TBC1D22B: variants seen among roughly 807,000 people sequenced by gnomAD.
TBC1D22B encodes the protein TBC1 domain family member 22B.
A neutral mutation model predicts 69.1 loss-of-function variants in TBC1D22B; 32 were observed. The ratio of observed to expected loss-of-function variants is 0.46; its 90% CI spans 0.35 to 0.62. The LOEUF (loss-of-function observed/expected upper bound fraction) is 0.62, where lower values mean the gene tolerates loss of function less well. TBC1D22B is among the 20% of genes least tolerant of loss of function. TBC1D22B has a pLI of 0.00. For missense variants in TBC1D22B, 462 were observed against 630.9 expected (o/e 0.73, Z 2.87); for synonymous variants, 206 against 229.8 (o/e 0.90, Z 0.94).
intron 2 of TBC1D22B, among the ~76,000 whole-genome samples, chr6:37,276,610 T>A (rs1766679594): frequency 6.6e-6 from 1 of 152,228 alleles, no homozygotes; most frequent in Non-Finnish European, 1.5e-5. Flanking sequence ...TTCAAATATA[T>A]ATTGAATCAT....
intron 10 of TBC1D22B, among the ~76,000 whole-genome samples, chr6:37,315,403 A>G (rs756569080): frequency 6.6e-5 from 10 of 151,980 alleles, no homozygotes; most frequent in Non-Finnish European, 1.2e-4. Flanking sequence ...CAAAAAATTT[A>G]AGAAGTAGCT....
rs1042976686 is a variant in TBC1D22B at position 37,261,520 on chromosome 6, T to C, written c.56+3547T>C. Among the ~76,000 whole-genome samples, 7 of 151,952 alleles carry C rather than the reference T, an allele frequency of 4.6e-5. No individual in the cohort carries two copies. The South Asian group carries it at 8.3e-4, about 18-fold the overall frequency. On this transcript the variant is annotated intron_variant, in intron 1 of 12. Coordinates refer to ENST00000373491, the MANE Select transcript of TBC1D22B (RefSeq NM_017772.4). ...TCTGCTTTCTAGCTATGTGATCTTA[T>C]GGGATTTAATTAACCTCTCAATGCA...
At chr6:37,311,194 T>G (rs1485755008) in intron 8 of TBC1D22B, among the ~76,000 whole-genome samples, 5 of 152,126 alleles carry the variant, frequency 3.3e-5, no homozygotes, top group African/African-American at 1.2e-4. Flanking sequence ...TTTTTTTTTT[T>G]TTAGGTCATT....
Position 37,317,167 on chromosome 6 carries a change from C to A in TBC1D22B, c.1350C>A (p.Ile450=). Residue 450 remains isoleucine, a synonymous_variant, in exon 12 of 13, where the codon ATC becomes ATA. Coordinates refer to ENST00000373491, the MANE Select transcript of TBC1D22B (RefSeq NM_017772.4). ...FHLYVCAAFL[I]KWRKEILDEE... ...TCTACGTGTGTGCAGCCTTCTTGAT[C>A]AAGTGGAGGAAAGAGATCTTGGATG... The A allele has an allele frequency of 6.3e-7, 1 of 1,578,742 alleles. No individual in the cohort carries two copies. Among genetic ancestry groups the A allele is most frequent in the South Asian group, 1.2e-5 (1 of 86,238 alleles).
chr6:37,261,944 A>AGTGTGT (rs70977641), intron 1 of TBC1D22B, among the ~76,000 whole-genome samples: 109 of 118,816 alleles, frequency 9.2e-4, no homozygotes, highest in Non-Finnish European at 1.4e-3. Flanking sequence ...AGCTTTGGTC[A>AGTGTGT]GTGTGTGTGT....
chr6:37,269,740 AT>A (rs2113720934), intron 2 of TBC1D22B, 90 bp downstream of exon 2: 1 of 1,262,594 alleles, frequency 7.9e-7, no homozygotes, highest in Non-Finnish European at 1.2e-6. Flanking sequence ...CCACCTTGAC[AT>A]TTTTTAGCGT....
At position 37,279,019 on chromosome 6, in the gene TBC1D22B, C is replaced by T. The variant is rs1437350707; in HGVS notation, c.114-285C>T. On this transcript the variant is annotated intron_variant, in intron 2 of 12. Transcript: ENST00000373491. ...GCCTCATTTCTCCTCAGTCCATTGG[C>T]CGGTATTGGTCATATGGCCTCACCT... Among the ~76,000 whole-genome samples the T allele has an allele frequency of 2.0e-5, 3 of 152,186 alleles. No homozygotes were observed. In the East Asian group the frequency reaches 5.8e-4, roughly 29 times the overall value.
intron 1 of TBC1D22B, among the ~76,000 whole-genome samples, chr6:37,266,573 C>T (rs1194811547): frequency 2.6e-5 from 4 of 151,698 alleles, no homozygotes; most frequent in Admixed American, 6.6e-5. Context: ...GCCATTCTCC[C>T]GCCTCAGCCT....
chr6:37,275,127 A>G (rs1001325754), intron 2 of TBC1D22B, among the ~76,000 whole-genome samples: 1 of 152,158 alleles, frequency 6.6e-6, no homozygotes, highest in Admixed American at 6.5e-5. Context: ...GTTAAGTGTA[A>G]ACTACCTGGG....
At chr6:37,284,757 G>A (rs1345893608) in intron 6 of TBC1D22B, among the ~76,000 whole-genome samples, 1 of 152,226 alleles carries the variant, frequency 6.6e-6, no homozygotes, top group African/African-American at 2.4e-5. Flanking sequence ...ATGAGAAAAT[G>A]CAGATTCTGA....
At chr6:37,281,577 A>G (rs1562047105) in intron 3 of TBC1D22B, among the ~76,000 whole-genome samples, 1 of 152,208 alleles carries the variant, frequency 6.6e-6, no homozygotes, top group East Asian at 1.9e-4. Flanking sequence ...CTGGTGGGCC[A>G]AGAACCGGGT....
chr6:37,313,078 C>T, intron 9 of TBC1D22B, 54 bp downstream of exon 9: 1 of 1,413,768 alleles, frequency 7.1e-7, no homozygotes, highest in South Asian at 1.2e-5. Flanking sequence ...AGGCTCCCAG[C>T]AGGGCTTTGG....
intron 12 of TBC1D22B, among the ~76,000 whole-genome samples, chr6:37,322,164 A>G (rs1768270710): frequency 1.3e-5 from 2 of 152,320 alleles, no homozygotes; most frequent in Admixed American, 6.5e-5. Context: ...AGAGGACTGT[A>G]TCTGCCCAGA....
chr6:37,330,193 TATAG>T (rs2113797299), intron 12 of TBC1D22B, among the ~76,000 whole-genome samples: 1 of 151,642 alleles, frequency 6.6e-6, no homozygotes, highest in Admixed American at 6.6e-5. Context: ...TTTTATCTTC[TATAG>T]ATGTTATAAA....
At position 37,331,197 on chromosome 6, in the gene TBC1D22B, A is replaced by G; in HGVS notation, c.*25A>G. On this transcript the variant is annotated 3_prime_UTR_variant, in exon 13 of 13. Transcript: ENST00000373491. ...GGTGCTGTCTCCTCCGGGGACCCAGACTGCCTTCATCTCTGATGGCAGTCT... is the reference window on the plus strand; with the variant it reads ...GGTGCTGTCTCCTCCGGGGACCCAGGCTGCCTTCATCTCTGATGGCAGTCT... The G allele has an allele frequency of 6.2e-7, 1 of 1,612,958 alleles. No individual in the cohort carries two copies. The highest frequency in any genetic ancestry group is 1.7e-4 in the Middle Eastern group (1 of 6,024).
rs1271740499 is a variant in TBC1D22B, at chr6:37,330,064, G to C, written c.1390-980G>C. On this transcript the variant is annotated intron_variant, in intron 12 of 12. Transcript: ENST00000373491. The stretch of plus-strand genomic sequence containing the variant: ...CAGGGTTTGTAAGTCATCATAGTGT[G>C]AGTGGCCACTGGCATTAGTGCGTTA... Among the ~76,000 whole-genome samples, 3 of 152,176 alleles carry C rather than the reference G, an allele frequency of 2.0e-5. No individual in the cohort carries two copies. The East Asian group carries it at 5.8e-4, about 29-fold the overall frequency.
chr6:37,323,479 A>G (rs1007727990), intron 12 of TBC1D22B, among the ~76,000 whole-genome samples: 16 of 152,360 alleles, frequency 1.1e-4, no homozygotes, highest in African/African-American at 3.1e-4. Context: ...GCAATGAGCC[A>G]TCAGTGGACA....
intron 1 of TBC1D22B, among the ~76,000 whole-genome samples, chr6:37,258,663 G>C (rs1765938955): frequency 6.6e-6 from 1 of 152,172 alleles, no homozygotes; most frequent in Non-Finnish European, 1.5e-5. Context: ...TCATTCTTCA[G>C]TTGTTTAACT....
At chr6:37,326,702 T>C (rs776057041) in intron 12 of TBC1D22B, among the ~76,000 whole-genome samples, 11 of 151,728 alleles carry the variant, frequency 7.2e-5, no homozygotes, top group Non-Finnish European at 1.3e-4. Context: ...GCAGTAGAAT[T>C]GCTTGAACCT....
Sources: allele counts gnomAD v4.1 joint callset (sites outside exome capture counted in the v4.1 genomes callset), GRCh38; gene constraint gnomAD v4.1.1; transcripts MANE v1.5; gene names NCBI Gene and HGNC (gene_info 2026-07-23, HGNC 2026-07-21).